Variants in FMN2 observed in about 807,000 individuals in gnomAD.
FMN2 encodes formin 2.
FMN2 carries 51 observed loss-of-function variants against 142.3 expected under a neutral mutation model. That is an observed-to-expected ratio of 0.36 (90% CI 0.29 to 0.45). The LOEUF (loss-of-function observed/expected upper bound fraction) is 0.45, where lower values mean the gene tolerates loss of function less well. Ranked by LOEUF, FMN2 falls within the 20% of genes least tolerant of loss-of-function variation. The probability of loss-of-function intolerance (pLI) is 1.00; values close to 1 mark genes in which losing one functional copy is unlikely to be tolerated. For synonymous variants in FMN2, 882 were observed against 869.8 expected (o/e 1.01, Z -0.25); for missense variants, 1,936 against 2,122.8 (o/e 0.91, Z 1.73).
At chr1:240,288,316 T>A (rs796219007) in intron 7 of FMN2, among the ~76,000 whole-genome samples, 25 of 152,288 alleles carry the variant, frequency 1.6e-4, no homozygotes, top group African/African-American at 6.0e-4. Context: ...TTTAGCTGAT[T>A]TGATAGGTTA....
At chr1:240,201,152 T>C (rs1666107596) in intron 4 of FMN2, among the ~76,000 whole-genome samples, 1 of 152,214 alleles carries the variant, frequency 6.6e-6, no homozygotes, top group Admixed American at 6.5e-5. Context: ...ATAACAGAAA[T>C]TGTTCTGTTA....
At chr1:240,314,223 G>A (rs1670691606) in intron 8 of FMN2, among the ~76,000 whole-genome samples, 1 of 152,146 alleles carries the variant, frequency 6.6e-6, no homozygotes. Context: ...GGCACTTTAA[G>A]TACCAACCTT....
In FMN2 at chr1:240,206,828, G is replaced by A. The variant is rs1027175873; in HGVS notation, c.2016G>A (p.Gln672=). ...TTGTTGACATGAAGTCTGAGGGACA[G>A]GCCACTGTAATTCAGCAGCTGGAAC... ...KEVVDMKSEG[Q]ATVIQQLEQT... Residue 672 remains glutamine (Q), a synonymous_variant, in exon 5 of 18, where the codon CAG becomes CAA. Transcript: ENST00000319653. 6.2e-7 allele frequency: 1 copy of A among 1,613,504 alleles called. No homozygotes were observed. Among genetic ancestry groups the A allele is most frequent in the Non-Finnish European group, 8.5e-7 (1 of 1,179,446 alleles).
intron 16 of FMN2, among the ~76,000 whole-genome samples, chr1:240,469,654 T>C (rs1445502682): frequency 6.6e-6 from 1 of 152,238 alleles, no homozygotes; most frequent in Non-Finnish European, 1.5e-5. Flanking sequence ...AAGATGTGCC[T>C]GTTAAACAAG....
rs889790006 is a variant in FMN2, at chr1:240,200,036, C to T, written c.1987-6763C>T. 1.2e-4 allele frequency among the ~76,000 whole-genome samples: 18 copies of T among 152,284 alleles called. No individual in the cohort carries two copies. The South Asian group carries it at 3.3e-3, about 28-fold the overall frequency. ...AATGAAAAGTGTATCTCTTCATTGT[C>T]AAGTCCTTTGAGAATCTGATAGGCT... On this transcript the variant is annotated intron_variant, in intron 4 of 17. Transcript: ENST00000319653.
intron 1 of FMN2, among the ~76,000 whole-genome samples, chr1:240,118,611 ATCT>A (rs1309493850): frequency 6.6e-6 from 1 of 152,182 alleles, no homozygotes; most frequent in East Asian, 1.9e-4. Context: ...TTTGGAATTG[ATCT>A]TCTGGAGGTT....
At chr1:240,423,481 C>T (rs527616255) in intron 15 of FMN2, among the ~76,000 whole-genome samples, 41 of 152,192 alleles carry the variant, frequency 2.7e-4, no homozygotes, top group Non-Finnish European at 5.4e-4. Context: ...CTCTTGGCCT[C>T]GTCTGTCATA....
At chr1:240,367,556 C>G (rs1298440744) in intron 14 of FMN2, among the ~76,000 whole-genome samples, 1 of 151,898 alleles carries the variant, frequency 6.6e-6, no homozygotes, top group Non-Finnish European at 1.5e-5. Flanking sequence ...ATCACGAGGT[C>G]AGGAGATCGA....
At chr1:240,459,771 A>G (rs532297157) in intron 16 of FMN2, among the ~76,000 whole-genome samples, 4 of 141,132 alleles carry the variant, frequency 2.8e-5, no homozygotes, top group Non-Finnish European at 6.2e-5. Flanking sequence ...TAGAGGAAGT[A>G]TGCTAACTGT....
At chr1:240,218,528 G>T (rs1666991112) in intron 6 of FMN2, among the ~76,000 whole-genome samples, 2 of 150,922 alleles carry the variant, frequency 1.3e-5, no homozygotes, top group South Asian at 4.2e-4. Flanking sequence ...CTGCCCTCCA[G>T]CCTAGGCAAC....
chr1:240,339,816 A>G (rs1037813552), intron 13 of FMN2, among the ~76,000 whole-genome samples: 1 of 151,956 alleles, frequency 6.6e-6, no homozygotes, highest in Non-Finnish European at 1.5e-5. Context: ...TCTGGTCTAT[A>G]CTAGGATAAT....
At chr1:240,427,167 G>A (rs1238523452) in intron 15 of FMN2, among the ~76,000 whole-genome samples, 4 of 83,026 alleles carry the variant, frequency 4.8e-5, no homozygotes, top group Non-Finnish European at 1.1e-4. Flanking sequence ...TGTTACAACT[G>A]ATTTTATATA....
At chr1:240,314,115 T>C (rs1298567111) in intron 8 of FMN2, among the ~76,000 whole-genome samples, 1 of 152,214 alleles carries the variant, frequency 6.6e-6, no homozygotes, top group African/African-American at 2.4e-5. Flanking sequence ...AAAGTAATTT[T>C]GTTGGGGAGC....
chr1:240,206,759 T>A, intron 4 of FMN2, 40 bp from the exon 5 acceptor site: 1 of 1,557,846 alleles, frequency 6.4e-7, no homozygotes. Flanking sequence ...CATTTTTCCT[T>A]ATTTCATAAC....
At chr1:240,217,661 A>T (rs926664051) in intron 6 of FMN2, among the ~76,000 whole-genome samples, 1 of 149,928 alleles carries the variant, frequency 6.7e-6, no homozygotes, top group Non-Finnish European at 1.5e-5. Context: ...TGAAAGATTT[A>T]TTTTTTTTTT....
rs544047416 is a variant in FMN2, at chr1:240,144,479, C to T, written c.1782+21134C>T. The T allele has an allele frequency of 1.2e-4, 191 of 1,552,848 alleles. 1 individual carries two copies. The East Asian group carries it at 4.1e-3, about 33-fold the overall frequency. The stretch of plus-strand genomic sequence containing the variant: ...ACTCAGCTCCAGGAACACCCCATGC[C>T]AGCCTAGCATGAATGCCATCTGTTT... On this transcript the variant is annotated intron_variant, in intron 2 of 17. Coordinates refer to ENST00000319653, the MANE Select transcript of FMN2 (RefSeq NM_020066.5).
chr1:240,274,710 G>C (rs1028813767), intron 7 of FMN2, among the ~76,000 whole-genome samples: 5 of 152,052 alleles, frequency 3.3e-5, no homozygotes, highest in African/African-American at 1.2e-4. Flanking sequence ...AGATGCTGGC[G>C]GCCAGGACCA....
At chr1:240,431,402 T>TTTTA (rs1293874318) in intron 15 of FMN2, among the ~76,000 whole-genome samples, 2 of 139,210 alleles carry the variant, frequency 1.4e-5, no homozygotes, top group African/African-American at 5.5e-5. Flanking sequence ...CAACCATGTT[T>TTTTA]TATATATATA....
At position 240,228,303 on chromosome 1, in the gene FMN2, C is replaced by CAAAAA. The variant is rs577421634; in HGVS notation, c.4065+17093_4065+17097dup. Among the ~76,000 whole-genome samples the CAAAAA allele has an allele frequency of 7.4e-3, 351 of 47,664 alleles. 4 individuals carry two copies. Among genetic ancestry groups the CAAAAA allele is most frequent in the Non-Finnish European group, 0.011 (257 of 22,428 alleles). The allele number at this position is 47,664 out of a possible 152,430, so 31.3% of individuals were successfully genotyped here. On this transcript the variant is annotated intron_variant, in intron 6 of 17. Transcript: ENST00000319653. ...GGGCAACAAGAGTGAAACTCTGTCT[C>CAAAAA]AAAAAAAAAAAAAAAAAAAAAAAAA...
Sources: gnomAD v4.1 joint callset for allele counts (sites outside exome capture counted in the v4.1 genomes callset) on GRCh38, gnomAD v4.1.1 for gene constraint, MANE v1.5 for transcripts, NCBI Gene and HGNC (gene_info 2026-07-23, HGNC 2026-07-21) for gene names.